Variants in GLG1 observed in about 807,000 individuals in gnomAD.
GLG1 encodes golgi glycoprotein 1.
GLG1 carries 38 observed loss-of-function variants against 160.5 expected under a neutral mutation model. The observed-to-expected ratio is 0.24, with a 90% CI of 0.18 to 0.31. The LOEUF (loss-of-function observed/expected upper bound fraction) is 0.31, where lower values mean the gene tolerates loss of function less well. GLG1 is among the 10% of genes least tolerant of loss of function. The pLI, the probability that GLG1 is intolerant of heterozygous loss-of-function variation, is 1.00. For missense variants in GLG1, 1,373 were observed against 1,505.2 expected (o/e 0.91, Z 1.45); for synonymous variants, 644 against 543.4 (o/e 1.19, Z -2.57).
intron 2 of GLG1, among the ~76,000 whole-genome samples, 197 bp from the exon 3 acceptor site, chr16:74,509,122 T>G (rs1275900594): frequency 6.6e-6 from 1 of 150,602 alleles, no homozygotes; most frequent in East Asian, 1.9e-4. Context: ...AATAAAAGGA[T>G]GACTATTCAG....
chr16:74,474,648 C>T lies in GLG1; in HGVS notation c.1966-16G>A, dbSNP rs769397591. ...ACTCCAGCTCCTGCAAATATAAAGG[C>T]AAGCCACTGGCATTTATCAGTCACA... On this transcript the variant is annotated splice_polypyrimidine_tract_variant and intron_variant, in intron 12 of 25. Transcript: ENST00000422840. 9 of 1,241,168 alleles carry T rather than the reference C, an allele frequency of 7.3e-6. No individual in the cohort carries two copies. The highest frequency in any genetic ancestry group is 1.1e-5 in the Non-Finnish European group (9 of 840,352). The allele number at this position is 1,241,168 out of a possible 1,614,324, so 76.9% of individuals were successfully genotyped here.
chr16:74,480,513 T>C (rs1597247965), intron 10 of GLG1, 119 bp from the exon 11 acceptor site: 2 of 637,182 alleles, frequency 3.1e-6, no homozygotes, highest in East Asian at 5.6e-5. Flanking sequence ...TCCAGGGGCG[T>C]GGAGACAGAA....
Position 74,456,936 on chromosome 16 carries a change from C to T in GLG1, c.3266-181G>A, listed in dbSNP as rs560989983. Among the ~76,000 whole-genome samples, 390 of 152,246 alleles carry T rather than the reference C, an allele frequency of 2.6e-3. 1 individual carries two copies. The highest frequency in any genetic ancestry group is 9.1e-3 in the African/African-American group (377 of 41,560). On this transcript the variant is annotated intron_variant, in intron 24 of 25. Transcript: ENST00000422840. ...ACAATGGAGAGAAATGATATGTAAC[C>T]TCCAGGGTTGGCGTCCGAAGCCTCT...
intron 15 of GLG1, among the ~76,000 whole-genome samples, chr16:74,470,560 T>C (rs2015169755): frequency 6.6e-6 from 1 of 150,814 alleles, no homozygotes; most frequent in Non-Finnish European, 1.5e-5. Flanking sequence ...GTGATTCTCC[T>C]GCCTCAGTCT....
chr16:74,605,510 C>T (rs1958545786), intron 1 of GLG1, among the ~76,000 whole-genome samples: 1 of 152,140 alleles, frequency 6.6e-6, no homozygotes, highest in Non-Finnish European at 1.5e-5. Context: ...AGGACTATCC[C>T]TCTAGTCGTT....
chr16:74,508,757 G>C (rs966357379), intron 3 of GLG1, 82 bp downstream of exon 3: 45 of 688,836 alleles, frequency 6.5e-5, no homozygotes, highest in Non-Finnish European at 1.0e-4. Context: ...TAATGTAACT[G>C]AGTCATTCTT....
At chr16:74,509,109 C>T (rs2016715009) in intron 2 of GLG1, among the ~76,000 whole-genome samples, 184 bp from the exon 3 acceptor site, 1 of 150,830 alleles carries the variant, frequency 6.6e-6, no homozygotes, top group African/African-American at 2.4e-5. Flanking sequence ...AAAATGCAAG[C>T]CAAATAAAAG....
At position 74,501,067 on chromosome 16, in the gene GLG1, G is replaced by T. The variant is rs148587021; in HGVS notation, c.774+2464C>A. ...TTCAAGCTTCAGTGGCAGCAAATTTGAAACTGACAAGCCTGTTGTTTTCTG... is the reference window on the plus strand; with the variant it reads ...TTCAAGCTTCAGTGGCAGCAAATTTTAAACTGACAAGCCTGTTGTTTTCTG... On this transcript the variant is annotated intron_variant, in intron 4 of 25. Coordinates refer to ENST00000422840, the MANE Select transcript of GLG1 (RefSeq NM_001145667.2). Among the ~76,000 whole-genome samples, 1,003 of 152,312 alleles carry T rather than the reference G, an allele frequency of 6.6e-3. 7 individuals carry two copies. Among genetic ancestry groups the T allele is most frequent in the Non-Finnish European group, 0.011 (750 of 68,012 alleles).
chr16:74,488,475 G>C (rs957496970), intron 8 of GLG1, among the ~76,000 whole-genome samples: 2 of 152,132 alleles, frequency 1.3e-5, no homozygotes, highest in African/African-American at 4.8e-5. Flanking sequence ...TACTGTAGTA[G>C]AACACTAAGG....
At chr16:74,605,915 G>A (rs1053323271) in intron 1 of GLG1, among the ~76,000 whole-genome samples, 1 of 152,106 alleles carries the variant, frequency 6.6e-6, no homozygotes, top group African/African-American at 2.4e-5. Context: ...AATTATCAAT[G>A]TCACTTGATT....
At chr16:74,550,366 T>C (rs1422052257) in intron 1 of GLG1, among the ~76,000 whole-genome samples, 5 of 152,008 alleles carry the variant, frequency 3.3e-5, no homozygotes, top group Non-Finnish European at 5.9e-5. Flanking sequence ...AATCCTAATA[T>C]ATCCTGGTCA....
At chr16:74,472,560 C>A (rs913636871) in intron 13 of GLG1, 149 bp from the exon 14 acceptor site, 2 of 1,485,400 alleles carry the variant, frequency 1.3e-6, no homozygotes, top group Non-Finnish European at 1.8e-6. Context: ...AAGTAGATAG[C>A]CCCAGAATAA....
intron 1 of GLG1, among the ~76,000 whole-genome samples, chr16:74,574,465 A>G (rs1384095727): frequency 6.6e-6 from 1 of 152,216 alleles, no homozygotes; most frequent in Non-Finnish European, 1.5e-5. Context: ...TTGACTAGCT[A>G]TGAAGGATGG....
intron 3 of GLG1, among the ~76,000 whole-genome samples, chr16:74,504,811 T>C (rs976018838): frequency 3.9e-5 from 6 of 152,222 alleles, no homozygotes; most frequent in Non-Finnish European, 7.3e-5. Context: ...AGAGTGATTC[T>C]GCATGGTGGT....
At chr16:74,458,343 TAAGA>T (rs1386632882) in intron 23 of GLG1, 1 of 176,622 alleles carries the variant, frequency 5.7e-6, no homozygotes, top group African/African-American at 2.3e-5. Flanking sequence ...TGTGTTACTT[TAAGA>T]AATATGAAAA....
chr16:74,504,469 G>A (rs2016525469), intron 3 of GLG1, among the ~76,000 whole-genome samples: 1 of 152,078 alleles, frequency 6.6e-6, no homozygotes, highest in South Asian at 2.1e-4. Context: ...TGTATTTTTA[G>A]TAGAGACGGA....
Position 74,452,806 on chromosome 16 carries a change from A to AT in GLG1, c.*360_*361insA. On this transcript the variant is annotated 3_prime_UTR_variant, in exon 26 of 26. Coordinates refer to ENST00000422840, the MANE Select transcript of GLG1 (RefSeq NM_001145667.2). ...CTATATACATTTTTTTCTTTAAAAA[A>AT]ATTTTTTTTTTTGGTGGTTTTCTTA... The AT allele has an allele frequency of 9.9e-7, 1 of 1,008,998 alleles. No homozygotes were observed. The highest frequency in any genetic ancestry group is 1.2e-6 in the Non-Finnish European group (1 of 845,190). The allele number at this position is 1,008,998 out of a possible 1,614,324, so 62.5% of individuals were successfully genotyped here.
intron 1 of GLG1, among the ~76,000 whole-genome samples, chr16:74,580,236 C>A (rs2143817796): frequency 6.6e-6 from 1 of 152,222 alleles, no homozygotes; most frequent in Non-Finnish European, 1.5e-5. Context: ...GTAATCCCAG[C>A]ACTTTGGGAG....
intron 1 of GLG1, among the ~76,000 whole-genome samples, chr16:74,577,876 C>CA (rs565383363): frequency 7.1e-4 from 108 of 151,824 alleles, no homozygotes; most frequent in African/African-American, 2.5e-3. Flanking sequence ...CTTGGCCTCC[C>CA]AAAGTGCTGG....
Sources: gnomAD v4.1 joint callset for allele counts (sites outside exome capture counted in the v4.1 genomes callset) on GRCh38, gnomAD v4.1.1 for gene constraint, MANE v1.5 for transcripts, NCBI Gene and HGNC (gene_info 2026-07-23, HGNC 2026-07-21) for gene names.